Variants in MTA3 observed in about 807,000 individuals in gnomAD.
MTA3 encodes metastasis associated 1 family member 3.
A neutral mutation model predicts 83.5 loss-of-function variants in MTA3; 34 were observed. The observed-to-expected ratio is 0.41, with a 90% CI of 0.31 to 0.54. The LOEUF is 0.54. MTA3 is among the 20% of genes least tolerant of loss of function. MTA3 has a pLI of 0.33. For missense variants in MTA3, 761 were observed against 726.4 expected (o/e 1.05, Z -0.55); for synonymous variants, 303 against 252.7 (o/e 1.20, Z -1.89).
chr2:42,660,255 A>G (rs578201127), intron 8 of MTA3, among the ~76,000 whole-genome samples: 10 of 151,344 alleles, frequency 6.6e-5, no homozygotes, highest in Non-Finnish European at 1.3e-4. Flanking sequence ...CACCCAGCTA[A>G]TTTTTGTATT....
intron 2 of MTA3, among the ~76,000 whole-genome samples, chr2:42,517,772 G>A (rs551891748): frequency 5.5e-5 from 8 of 145,308 alleles, no homozygotes; most frequent in South Asian, 4.4e-4. Context: ...CAGCTACTCC[G>A]GGAGACTGAG....
At chr2:42,583,569 T>C (rs529910206) in intron 3 of MTA3, among the ~76,000 whole-genome samples, 1 of 152,318 alleles carries the variant, frequency 6.6e-6, no homozygotes, top group African/African-American at 2.4e-5. Context: ...AGTCTTGCTC[T>C]ATCGCTCAGG....
intron 2 of MTA3, among the ~76,000 whole-genome samples, chr2:42,497,371 G>C (rs1674183659): frequency 6.6e-6 from 1 of 152,070 alleles, no homozygotes; most frequent in Admixed American, 6.5e-5. Flanking sequence ...TGGATCATGA[G>C]GTCAGGAGTT....
At chr2:42,521,414 C>T (rs1675424249) in intron 2 of MTA3, among the ~76,000 whole-genome samples, 1 of 152,166 alleles carries the variant, frequency 6.6e-6, no homozygotes, top group African/African-American at 2.4e-5. Context: ...AGCTAAGCTG[C>T]ACCCAGATTC....
chr2:42,616,495 G>A (rs977882382), intron 4 of MTA3, among the ~76,000 whole-genome samples: 2 of 149,108 alleles, frequency 1.3e-5, no homozygotes, highest in African/African-American at 4.9e-5. Flanking sequence ...CTTGTATGGG[G>A]TTTACATTTA....
chr2:42,711,954 G>C (rs1666658334), intron 14 of MTA3, among the ~76,000 whole-genome samples: 2 of 152,074 alleles, frequency 1.3e-5, no homozygotes, highest in Admixed American at 6.6e-5. Context: ...AATATTGATG[G>C]ATCTAGAGTT....
At chr2:42,597,706 G>C (rs1335660716) in intron 3 of MTA3, among the ~76,000 whole-genome samples, 3 of 110,148 alleles carry the variant, frequency 2.7e-5, no homozygotes, top group Non-Finnish European at 5.5e-5. Flanking sequence ...TTTGAGATGG[G>C]GTCTTGCTCT....
chr2:42,555,477 A>G (rs1558433157), intron 2 of MTA3, among the ~76,000 whole-genome samples: 1 of 149,380 alleles, frequency 6.7e-6, no homozygotes, highest in East Asian at 2.0e-4. Flanking sequence ...AAAAAAAAAA[A>G]GAGCCGGGCG....
At chr2:42,743,876 C>A (rs1297954847) in intron 16 of MTA3, among the ~76,000 whole-genome samples, 1 of 152,172 alleles carries the variant, frequency 6.6e-6, no homozygotes, top group Non-Finnish European at 1.5e-5. Flanking sequence ...GCTGATGGCA[C>A]TCCTAGGCAT....
chr2:42,644,697 G>A (rs1490855327), intron 6 of MTA3, among the ~76,000 whole-genome samples: 15 of 152,112 alleles, frequency 9.9e-5, no homozygotes, highest in Admixed American at 9.8e-4. Flanking sequence ...GGTAATTCTT[G>A]AAACATTTCA....
At position 42,709,069 on chromosome 2, in the gene MTA3, A is replaced by C. The variant is rs766253727; in HGVS notation, c.1498A>C (p.Ile500Leu). Residue 500 changes from isoleucine (I) to leucine (L), a missense_variant, in exon 14 of 17, where the codon ATT becomes CTT. Coordinates refer to ENST00000405094, the MANE Select transcript of MTA3 (RefSeq NM_001330442.2). ...RQAARRPFVA[I>L]NYAAIRAEYA... ...GGCAGCAAGACGGCCGTTTGTTGCT[A>C]TTAATTATGCTGCCATTAGGGCAGA... The C allele has an allele frequency of 2.5e-6, 4 of 1,609,492 alleles. No homozygotes were observed. Among genetic ancestry groups the C allele is most frequent in the Non-Finnish European group, 3.4e-6 (4 of 1,177,648 alleles).
chr2:42,573,492 A>T (rs1027300933), intron 2 of MTA3, among the ~76,000 whole-genome samples: 2 of 152,040 alleles, frequency 1.3e-5, no homozygotes, highest in Non-Finnish European at 2.9e-5. Flanking sequence ...GACTACAGGC[A>T]TGTACCACCA....
At chr2:42,507,522 C>T (rs937829566) in intron 2 of MTA3, among the ~76,000 whole-genome samples, 1 of 150,866 alleles carries the variant, frequency 6.6e-6, no homozygotes, top group Non-Finnish European at 1.5e-5. Context: ...ATTTCTTGGT[C>T]GAGGGACTAG....
intron 14 of MTA3, among the ~76,000 whole-genome samples, chr2:42,714,493 CATGTGGGA>C (rs1666885710): frequency 6.6e-6 from 1 of 152,076 alleles, no homozygotes; most frequent in African/African-American, 2.4e-5. Flanking sequence ...CTTGAATGCA[CATGTGGGA>C]TGTTTTTGTG....
At chr2:42,624,499 T>G (rs1180987074) in intron 4 of MTA3, among the ~76,000 whole-genome samples, 1 of 152,068 alleles carries the variant, frequency 6.6e-6, no homozygotes, top group Non-Finnish European at 1.5e-5. Flanking sequence ...TTTTGTATTT[T>G]CAGTAGAGAC....
At chr2:42,665,805 G>T (rs1052964927) in intron 8 of MTA3, among the ~76,000 whole-genome samples, 2 of 152,110 alleles carry the variant, frequency 1.3e-5, no homozygotes, top group Non-Finnish European at 2.9e-5. Context: ...TGAGCCGAAG[G>T]GACAAAACAA....
intron 16 of MTA3, among the ~76,000 whole-genome samples, chr2:42,728,729 T>C (rs1338484749): frequency 6.6e-6 from 1 of 152,228 alleles, no homozygotes; most frequent in Non-Finnish European, 1.5e-5. Context: ...CACCTTTCCA[T>C]ATGCCTGTTT....
intron 4 of MTA3, chr2:42,613,884 T>C (rs1258694448): frequency 6.6e-6 from 1 of 152,058 alleles, no homozygotes; most frequent in Non-Finnish European, 1.5e-5. Context: ...GGGGCTTGAG[T>C]AGTGAGTATC....
intron 8 of MTA3, among the ~76,000 whole-genome samples, chr2:42,660,458 T>C (rs1689587575): frequency 6.6e-6 from 1 of 152,250 alleles, no homozygotes; most frequent in Admixed American, 6.5e-5. Flanking sequence ...CTTTTTTCTT[T>C]CGGTGATCAA....
Sources: allele counts gnomAD v4.1 joint callset (sites outside exome capture counted in the v4.1 genomes callset), GRCh38; gene constraint gnomAD v4.1.1; transcripts MANE v1.5; gene names NCBI Gene and HGNC (gene_info 2026-07-23, HGNC 2026-07-21).